Variants in DNASE1 observed in about 807,000 individuals in gnomAD.
DNASE1 encodes the protein deoxyribonuclease-1.
DNASE1 carries 40 observed loss-of-function variants against 33.9 expected under a neutral mutation model. The ratio of observed to expected loss-of-function variants is 1.18; its 90% CI spans 0.92 to 1.54. The LOEUF is 1.54. Among genes scored for constraint, DNASE1 ranks in the 40% most tolerant of loss-of-function variants. The pLI, the probability that DNASE1 is intolerant of heterozygous loss-of-function variation, is 0.00. For missense variants in DNASE1, 518 were observed against 372.6 expected (o/e 1.39, Z -3.21); for synonymous variants, 216 against 160.0 (o/e 1.35, Z -2.64).
chr16:3,629,957 G>T (rs756118674), intron 1 of DNASE1, among the ~76,000 whole-genome samples: 5 of 152,160 alleles, frequency 3.3e-5, no homozygotes, highest in Non-Finnish European at 7.3e-5. Flanking sequence ...GGGGCTACAG[G>T]CACCCGCCAC....
At chr16:3,662,818 C>G, downstream of DNASE1, 2 of 1,540,680 alleles carry the variant, frequency 1.3e-6, no homozygotes, top group Non-Finnish European at 1.8e-6. Context: ...CTGGGAGCCA[C>G]CAGCTGGCCA....
At chr16:3,662,117 C>T (rs755119711), downstream of DNASE1, 27 of 1,612,488 alleles carry the variant, frequency 1.7e-5, no homozygotes, top group East Asian at 5.6e-4. Flanking sequence ...GGGTGGGTGT[C>T]CAGTCGGAGG....
chr16:3,639,835 G>A (rs1567197103), upstream of DNASE1, among the ~76,000 whole-genome samples: 1 of 152,200 alleles, frequency 6.6e-6, no homozygotes, highest in Non-Finnish European at 1.5e-5. Flanking sequence ...GCTGAGGCAG[G>A]TGGATCATTT....
intron 1 of DNASE1, among the ~76,000 whole-genome samples, chr16:3,634,666 T>A (rs1471523293): frequency 6.6e-6 from 1 of 152,036 alleles, no homozygotes; most frequent in Non-Finnish European, 1.5e-5. Flanking sequence ...TGCACCACCA[T>A]GCCTAGATAA....
rs1180596517 is a variant in DNASE1 at position 3,656,735 on chromosome 16, T to G, written c.418T>G (p.Phe140Val). The change falls in exon 5 of 9, where the codon TTC becomes GTC. Residue 140 changes from phenylalanine to valine, a missense_variant. By Grantham distance (50) the Phe-to-Val change is conservative. Coordinates refer to ENST00000246949, the MANE Select transcript of DNASE1 (RefSeq NM_005223.4). ...TFNREPAIVR[F>V]FSRFTEVREF... ...CAACCGAGAGCCAGCCATTGTCAGGTTCTTCTCCCGGTTCACAGGTGGGTG... is the reference window on the plus strand; with the variant it reads ...CAACCGAGAGCCAGCCATTGTCAGGGTCTTCTCCCGGTTCACAGGTGGGTG... 1 of 1,610,572 alleles carries G rather than the reference T, an allele frequency of 6.2e-7. No homozygotes were observed. Among genetic ancestry groups the G allele is most frequent in the Admixed American group, 1.7e-5 (1 of 59,758 alleles).
chr16:3,625,625 AAAAT>A (rs768400403), intron 1 of DNASE1, among the ~76,000 whole-genome samples: 4 of 152,220 alleles, frequency 2.6e-5, no homozygotes, highest in African/African-American at 4.8e-5. Flanking sequence ...CCTGTGTCAA[AAAAT>A]AAATAAATAA....
chr16:3,651,132 C>T (rs1186850087), upstream of DNASE1: 2 of 152,234 alleles, frequency 1.3e-5, no homozygotes, highest in Non-Finnish European at 2.9e-5. Context: ...GGTCACACAA[C>T]ACTGGCTGTC....
At chr16:3,654,103 C>T (rs1173312049), upstream of DNASE1, 4 of 307,882 alleles carry the variant, frequency 1.3e-5, no homozygotes, top group Non-Finnish European at 1.8e-5. Context: ...AGTGTGAGAC[C>T]CTGTCTCAAA....
At chr16:3,647,262 ATT>A (rs537295148) in intron 1 of DNASE1, among the ~76,000 whole-genome samples, 230 of 130,208 alleles carry the variant, frequency 1.8e-3, no homozygotes, top group South Asian at 6.3e-3. Flanking sequence ...TAATCATGGG[ATT>A]TTTTTTTTTT....
At chr16:3,649,195 TGAG>T (rs2042259940) in intron 1 of DNASE1, among the ~76,000 whole-genome samples, 1 of 152,230 alleles carries the variant, frequency 6.6e-6, no homozygotes, top group Non-Finnish European at 1.5e-5. Context: ...ACATCAGGGC[TGAG>T]ATTAGGGACG....
At chr16:3,623,023 C>G (rs976102501) in intron 1 of DNASE1, among the ~76,000 whole-genome samples, 1 of 152,114 alleles carries the variant, frequency 6.6e-6, no homozygotes, top group Non-Finnish European at 1.5e-5. Context: ...AAGACTCCAT[C>G]TCTAATGTAC....
chr16:3,645,127 C>G (rs2042134670), intron 1 of DNASE1, among the ~76,000 whole-genome samples: 1 of 152,212 alleles, frequency 6.6e-6, no homozygotes, highest in East Asian at 1.9e-4. Flanking sequence ...GAGACCCTGT[C>G]TCATTTCTTT....
At position 3,657,793 on chromosome 16, in the gene DNASE1, G is replaced by C. The variant is rs1381710351; in HGVS notation, c.778G>C (p.Ala260Pro). 2 of 1,614,024 alleles carry C rather than the reference G, an allele frequency of 1.2e-6. No homozygotes were observed. Among genetic ancestry groups the C allele is most frequent in the Non-Finnish European group, 1.7e-6 (2 of 1,180,026 alleles). The change falls in exon 8 of 9, where the codon GCC (alanine) becomes CCC (proline). Residue 260 changes from alanine to proline, a missense_variant. Coordinates refer to ENST00000246949, the MANE Select transcript of DNASE1 (RefSeq NM_005223.4). ...GGCTCTTCCCTTTAACTTCCAGGCT[G>C]CCTATGGCCTGAGTGACCAACTGGT... The part of the protein sequence containing the change: ...DSALPFNFQA[A>P]YGLSDQLAQA...
chr16:3,659,952 C>G (rs1394759048), downstream of DNASE1: 2 of 152,116 alleles, frequency 1.3e-5, no homozygotes, highest in Non-Finnish European at 2.9e-5. Flanking sequence ...GTCTCGAACT[C>G]CTGACCTCAA....
chr16:3,652,313 A>C (rs1179930885), upstream of DNASE1: 1 of 152,272 alleles, frequency 6.6e-6, no homozygotes, highest in Non-Finnish European at 1.5e-5. Flanking sequence ...GCCCCGCCGG[A>C]AGCTGCACCA....
At chr16:3,657,696 C>T (rs747930230) in intron 7 of DNASE1, 24 bp from the exon 8 acceptor site, 217 of 1,613,318 alleles carry the variant, frequency 1.3e-4, no homozygotes, top group Non-Finnish European at 1.7e-4. Flanking sequence ...GGGGAACCTA[C>T]TTTCTCTTCC....
At chr16:3,647,109 T>C (rs1402535054) in intron 1 of DNASE1, among the ~76,000 whole-genome samples, 2 of 152,134 alleles carry the variant, frequency 1.3e-5, no homozygotes, top group African/African-American at 4.8e-5. Flanking sequence ...CCAGACGGTG[T>C]TTCTAAGATG....
At position 3,617,219 on chromosome 16, in the gene DNASE1, G is replaced by A. The variant is rs28762684; in HGVS notation, c.-1359+5213G>A. On this transcript the variant is annotated intron_variant and NMD_transcript_variant, in intron 1 of 11. Coordinates refer to the DNASE1 transcript ENST00000570769. ...TGTGCGCCCGTAATCCCAGCTACTC[G>A]GGAGGCTGAGGCAGGAGAATCGCTT... Among the ~76,000 whole-genome samples, 246 of 151,040 alleles carry A rather than the reference G, an allele frequency of 1.6e-3. 1 individual carries two copies. Among genetic ancestry groups the A allele is most frequent in the African/African-American group, 5.7e-3 (234 of 41,046 alleles).
intron 1 of DNASE1, among the ~76,000 whole-genome samples, chr16:3,620,850 G>A (rs912344941): frequency 6.6e-6 from 1 of 151,946 alleles, no homozygotes; most frequent in Non-Finnish European, 1.5e-5. Flanking sequence ...ACCCAGGCTG[G>A]AGTGCAGTGG....
Sources: gnomAD v4.1 joint callset for allele counts (sites outside exome capture counted in the v4.1 genomes callset) on GRCh38, gnomAD v4.1.1 for gene constraint, MANE v1.5 for transcripts, NCBI Gene and HGNC (gene_info 2026-07-23, HGNC 2026-07-21) for gene names.